Variants in VPS39 observed in about 807,000 individuals in gnomAD.
The protein encoded by VPS39 is VPS39 subunit of HOPS complex.
Under a neutral mutation model 121.0 loss-of-function variants are expected in VPS39, and 70 were observed. The ratio of observed to expected loss-of-function variants is 0.58; its 90% CI spans 0.48 to 0.71. The LOEUF (loss-of-function observed/expected upper bound fraction) is 0.71, where lower values mean the gene tolerates loss of function less well. Among genes scored for constraint, VPS39 ranks in the 30% least tolerant of loss-of-function variants. The pLI, the probability that VPS39 is intolerant of heterozygous loss-of-function variation, is 0.00. For synonymous variants in VPS39, 378 were observed against 398.1 expected (o/e 0.95, Z 0.60); for missense variants, 818 against 1,051.5 (o/e 0.78, Z 3.07).
chr15:42,170,981 C>G (rs1414619601), intron 11 of VPS39, among the ~76,000 whole-genome samples: 2 of 152,056 alleles, frequency 1.3e-5, no homozygotes, highest in Non-Finnish European at 2.9e-5. Context: ...CAATCCTCTT[C>G]TCTTTGGTCT....
Position 42,189,228 on chromosome 15 carries a change from A to G in VPS39, c.248-20T>C, listed in dbSNP as rs771488110. On this transcript the variant is annotated intron_variant, in intron 4 of 24. Transcript: ENST00000318006. ...TATTTTCTGTTTGGGAGGAGGTATA[A>G]CATCAGGATCAATGATCATAATTCT... The G allele has an allele frequency of 3.8e-6, 6 of 1,580,452 alleles. No homozygotes were observed. Among genetic ancestry groups the G allele is most frequent in the South Asian group, 1.1e-5 (1 of 90,328 alleles).
chr15:42,186,684 T>G (rs759219016), intron 7 of VPS39, among the ~76,000 whole-genome samples: 6 of 152,212 alleles, frequency 3.9e-5, no homozygotes, highest in Non-Finnish European at 8.8e-5. Flanking sequence ...AGCATAGTAT[T>G]TTTACCAATA....
Position 42,161,768 on chromosome 15 carries a change from C to T in VPS39, c.2466G>A (p.Gln822=). 2 of 1,614,150 alleles carry T rather than the reference C, an allele frequency of 1.2e-6. No homozygotes were observed. Among genetic ancestry groups the T allele is most frequent in the South Asian group, 1.1e-5 (1 of 91,078 alleles). ...CCTGCTGGTGTAAAATCCGCTCTTC[C>T]TGGACCTGGAAGAACAGGGGGATTG... ...NLLHAEFLRV[Q]EERILHQQVK... is the part of the protein sequence containing the mutation. The change falls in exon 24 of 25, where the codon CAG becomes CAA. Residue 822 remains glutamine, a synonymous_variant. Coordinates refer to ENST00000318006, the MANE Select transcript of VPS39 (RefSeq NM_015289.5).
At chr15:42,193,341 G>A (rs1404180155) in intron 2 of VPS39, among the ~76,000 whole-genome samples, 1 of 152,122 alleles carries the variant, frequency 6.6e-6, no homozygotes, top group Non-Finnish European at 1.5e-5. Flanking sequence ...TGTTTTGGTT[G>A]AAGTATATGA....
At chr15:42,163,422 G>C in intron 20 of VPS39, 27 bp from the exon 21 acceptor site, 1 of 1,614,038 alleles carries the variant, frequency 6.2e-7, no homozygotes. Context: ...GGTGAGAGCA[G>C]GTGGTGTGAG....
intron 8 of VPS39, chr15:42,184,061 A>C (rs1368525296): frequency 6.7e-6 from 1 of 148,958 alleles, no homozygotes; most frequent in Non-Finnish European, 1.5e-5. Context: ...CTACAAAAAA[A>C]AAAAAAAAAA....
chr15:42,192,606 C>T (rs1283979248), intron 2 of VPS39, among the ~76,000 whole-genome samples: 1 of 152,156 alleles, frequency 6.6e-6, no homozygotes, highest in Non-Finnish European at 1.5e-5. Context: ...TTACTTCTTC[C>T]ATGTGTCCCT....
chr15:42,203,454 AC>A (rs2050107240), intron 1 of VPS39, among the ~76,000 whole-genome samples: 1 of 148,440 alleles, frequency 6.7e-6, no homozygotes, highest in African/African-American at 2.6e-5. Context: ...AGCCTGGGTG[AC>A]GGGGCAGGAC....
intron 10 of VPS39, 72 bp downstream of exon 10, chr15:42,178,146 T>G: frequency 6.3e-7 from 1 of 1,599,154 alleles, no homozygotes; most frequent in Non-Finnish European, 8.5e-7. Context: ...AAAATAAATA[T>G]GAACATTGAA....
In VPS39 at chr15:42,208,253, C is replaced by G; in HGVS notation, c.-100G>C. ...GGGCTAAGGGTAGACCGGGATCCGG[C>G]CAGGAACCCCCCGGCTACAGGCCCT... On this transcript the variant is annotated 5_prime_UTR_variant, in exon 1 of 25. Transcript: ENST00000318006. The G allele has an allele frequency of 6.9e-7, 1 of 1,454,902 alleles. No individual in the cohort carries two copies. Among genetic ancestry groups the G allele is most frequent in the Non-Finnish European group, 9.3e-7 (1 of 1,074,550 alleles). 90.1% of individuals were successfully genotyped at this position (1,454,902 alleles called of 1,614,324 possible). A position where few individuals can be genotyped will look rare whatever the true frequency, so the allele number is the denominator to read the frequency against.
At position 42,161,743 on chromosome 15, in the gene VPS39, C is replaced by T. The variant is rs1474631664; in HGVS notation, c.2491G>A (p.Val831Met). 3 of 1,614,054 alleles carry T rather than the reference C, an allele frequency of 1.9e-6. No individual in the cohort carries two copies. The highest frequency in any genetic ancestry group is 2.7e-5 in the African/African-American group (2 of 74,922). The change falls in exon 24 of 25, where the codon GTG becomes ATG. Residue 831 changes from valine (V) to methionine (M), a missense_variant. Val to Met is a conservative substitution (Grantham distance 21, BLOSUM62 1). Coordinates refer to ENST00000318006, the MANE Select transcript of VPS39 (RefSeq NM_015289.5). ...TTCTCCTCTGTGATGATGCACTTCACCTGCTGGTGTAAAATCCGCTCTTCC... is the reference window on the plus strand; with the variant it reads ...TTCTCCTCTGTGATGATGCACTTCATCTGCTGGTGTAAAATCCGCTCTTCC... ...VQEERILHQQVKCIITEEKVC... is the reference protein window; with the variant it reads ...VQEERILHQQMKCIITEEKVC...
intron 8 of VPS39, 164 bp downstream of exon 8, chr15:42,184,353 C>T: frequency 1.7e-6 from 1 of 579,744 alleles, no homozygotes; most frequent in Non-Finnish European, 2.7e-6. Flanking sequence ...TAGACTATCC[C>T]ATTTTTAATG....
chr15:42,177,444 G>C (rs1203952577), intron 10 of VPS39, among the ~76,000 whole-genome samples: 1 of 151,946 alleles, frequency 6.6e-6, no homozygotes, highest in Non-Finnish European at 1.5e-5. Context: ...ACTGCCGCCT[G>C]GCTGAATACA....
chr15:42,206,973 C>A (rs755526885), intron 1 of VPS39, among the ~76,000 whole-genome samples: 10 of 152,202 alleles, frequency 6.6e-5, no homozygotes, highest in African/African-American at 9.6e-5. Context: ...AAGTAGGATT[C>A]TCCTCTTAAC....
chr15:42,174,983 G>A (rs945598860), intron 10 of VPS39, among the ~76,000 whole-genome samples: 3 of 152,032 alleles, frequency 2.0e-5, no homozygotes, highest in African/African-American at 7.2e-5. Flanking sequence ...CAAACAAAAG[G>A]ATGAGTTTGA....
Position 42,206,839 on chromosome 15 carries a change from T to C in VPS39, c.73+1242A>G, listed in dbSNP as rs544897008. 4.6e-5 allele frequency among the ~76,000 whole-genome samples: 7 copies of C among 152,182 alleles called. No individual in the cohort carries two copies. In the South Asian group the frequency reaches 1.0e-3, roughly 22 times the overall value. ...CTAATAAGTATATCTGATGAAGCAA[T>C]GGGGGAATTAATCCTTTCATGCAGT... is the stretch of plus-strand genomic sequence containing the variant. On this transcript the variant is annotated intron_variant, in intron 1 of 24. Coordinates refer to ENST00000318006, the MANE Select transcript of VPS39 (RefSeq NM_015289.5).
intron 8 of VPS39, 111 bp downstream of exon 8, chr15:42,184,406 G>T: frequency 8.8e-7 from 1 of 1,139,800 alleles, no homozygotes; most frequent in Non-Finnish European, 1.2e-6. Context: ...AACTGAAAGT[G>T]AATGACACAA....
intron 4 of VPS39, among the ~76,000 whole-genome samples, chr15:42,190,718 C>T (rs2049810301): frequency 1.3e-5 from 2 of 152,340 alleles, no homozygotes; most frequent in South Asian, 4.1e-4. Flanking sequence ...CCTCCCATTA[C>T]CAAGATTCCA....
chr15:42,190,202 T>A (rs1336254749), intron 4 of VPS39, among the ~76,000 whole-genome samples: 1 of 152,200 alleles, frequency 6.6e-6, no homozygotes, highest in Non-Finnish European at 1.5e-5. Flanking sequence ...GCTACTCACA[T>A]TAGGAGGCTC....
Sources: gnomAD v4.1 joint callset for allele counts (sites outside exome capture counted in the v4.1 genomes callset) on GRCh38, gnomAD v4.1.1 for gene constraint, MANE v1.5 for transcripts, NCBI Gene and HGNC (gene_info 2026-07-23, HGNC 2026-07-21) for gene names.